Variants in DNAJA2 observed in about 807,000 individuals in gnomAD.
DNAJA2 encodes the protein DnaJ heat shock protein family (Hsp40) member A2.
Under a neutral mutation model 49.3 loss-of-function variants are expected in DNAJA2, and 6 were observed. The ratio of observed to expected loss-of-function variants is 0.12; its 90% CI spans 0.07 to 0.24. The LOEUF (loss-of-function observed/expected upper bound fraction) is 0.24, where lower values mean the gene tolerates loss of function less well. Among genes scored for constraint, DNAJA2 ranks in the 10% least tolerant of loss-of-function variants. The probability of loss-of-function intolerance (pLI) is 1.00; values close to 1 mark genes in which losing one functional copy is unlikely to be tolerated. For missense variants in DNAJA2, 347 were observed against 516.8 expected (o/e 0.67, Z 3.19); for synonymous variants, 160 against 172.7 (o/e 0.93, Z 0.58).
rs988079271 is a variant in DNAJA2, at chr16:46,956,781, G to C, written c.*248C>G. 3 of 396,258 alleles carry C rather than the reference G, an allele frequency of 7.6e-6. No individual in the cohort carries two copies. Among genetic ancestry groups the C allele is most frequent in the African/African-American group, 4.2e-5 (2 of 47,980 alleles). 24.5% of individuals were successfully genotyped at this position (396,258 alleles called of 1,614,324 possible). ...GATTGAAACTTATAATAATCCATGT[G>C]TGAAAGGGAGTCTTGTTTCCTTTCA... On this transcript the variant is annotated 3_prime_UTR_variant, in exon 9 of 9. Transcript: ENST00000317089.
chr16:46,958,882 T>C lies in DNAJA2; in HGVS notation c.1047+121A>G. 7 of 1,094,004 alleles carry C rather than the reference T, an allele frequency of 6.4e-6. No individual in the cohort carries two copies. In the South Asian group the frequency reaches 1.2e-4, roughly 19 times the overall value. The allele number at this position is 1,094,004 out of a possible 1,614,324, so 67.8% of individuals were successfully genotyped here. A position where few individuals can be genotyped will look rare whatever the true frequency, so the allele number is the denominator to read the frequency against. On this transcript the variant is annotated intron_variant, in intron 8 of 8. Transcript: ENST00000317089. ...TCGCTTCAGCCCAGGAGGTCGAGGC[T>C]GCAGTGAGCCACGATCACACCACTA...
At chr16:46,967,958 C>T (rs949346757) in intron 4 of DNAJA2, 126 bp downstream of exon 4, 12 of 932,128 alleles carry the variant, frequency 1.3e-5, no homozygotes, top group Non-Finnish European at 1.3e-5. Flanking sequence ...GCTGGGATTT[C>T]AGGTGTGAGC....
At chr16:46,973,108 T>G (rs1318285175) in intron 1 of DNAJA2, among the ~76,000 whole-genome samples, 1 of 152,068 alleles carries the variant, frequency 6.6e-6, no homozygotes, top group Non-Finnish European at 1.5e-5. Context: ...GGGGCCGGGA[T>G]GCGCTGAGCA....
In DNAJA2 at chr16:46,970,158, G is replaced by T. The variant is rs577365933; in HGVS notation, c.362+1191C>A. ...CATTTGCTAATAAAATCATTTATTG[G>T]TCCATGAAAAAAAGAATGGGAAAAA... On this transcript the variant is annotated intron_variant, in intron 3 of 8. Transcript: ENST00000317089. Among the ~76,000 whole-genome samples, 43 of 152,256 alleles carry T rather than the reference G, an allele frequency of 2.8e-4. 1 individual carries two copies. The highest frequency in any genetic ancestry group is 1.4e-3 in the Admixed American group (22 of 15,290).
Position 46,959,255 on chromosome 16 carries a change from C to T in DNAJA2, c.919+20G>A, listed in dbSNP as rs369779917. On this transcript the variant is annotated intron_variant, in intron 7 of 8. Transcript: ENST00000317089. ...TTCAAAAATACTTGAAAACCAGAAT[C>T]GGACAAAATCAAGATTTACCTGGTT... 19 of 1,594,908 alleles carry T rather than the reference C, an allele frequency of 1.2e-5. No homozygotes were observed. Among genetic ancestry groups the T allele is most frequent in the East Asian group, 9.0e-5 (4 of 44,644 alleles).
At chr16:46,971,285 T>A (rs1962043644) in intron 3 of DNAJA2, 64 bp downstream of exon 3, 1 of 1,418,918 alleles carries the variant, frequency 7.0e-7, no homozygotes. Context: ...TTTCATCTAC[T>A]GAGTCATTAT....
chr16:46,959,579 T>G, intron 6 of DNAJA2, 160 bp from the exon 7 acceptor site: 3 of 600,328 alleles, frequency 5.0e-6, no homozygotes, highest in Non-Finnish European at 8.5e-6. Context: ...TTAGGAAAGC[T>G]AGCTATTCCC....
At chr16:46,971,674 A>AAAAAAAAAAT in intron 2 of DNAJA2, 102 bp from the exon 3 acceptor site, 1 of 1,023,844 alleles carries the variant, frequency 9.8e-7, no homozygotes, top group Non-Finnish European at 1.4e-6. Context: ...AAAAAAAAAA[A>AAAAAAAAAAT]AAGGGACAAG....
chr16:46,958,749 A>T (rs1961853117), intron 8 of DNAJA2: 4 of 346,012 alleles, frequency 1.2e-5, no homozygotes, highest in Non-Finnish European at 2.1e-5. Context: ...ACTGCACTCC[A>T]GCTTGGGTGA....
At chr16:46,957,771 A>T (rs140038194) in intron 8 of DNAJA2, among the ~76,000 whole-genome samples, 1 of 152,160 alleles carries the variant, frequency 6.6e-6, no homozygotes, top group East Asian at 1.9e-4. Flanking sequence ...TAAACATTAG[A>T]AAGTTTCTAC....
At chr16:46,973,458 C>G (rs752975038) in intron 1 of DNAJA2, 37 bp downstream of exon 1, 1 of 1,565,090 alleles carries the variant, frequency 6.4e-7, no homozygotes, top group Non-Finnish European at 8.6e-7. Flanking sequence ...GCGCAGGCCC[C>G]GCGCCCCTCA....
chr16:46,964,927 C>T, intron 5 of DNAJA2, 120 bp from the exon 6 acceptor site: 3 of 878,142 alleles, frequency 3.4e-6, no homozygotes, highest in Non-Finnish European at 5.0e-6. Flanking sequence ...TTATTCAAAG[C>T]AGCATTCTGA....
Position 46,956,453 on chromosome 16 carries a change from GAAAA to G in DNAJA2, c.*572_*575del, listed in dbSNP as rs1567351854. 2.5e-5 allele frequency: 3 copies of G among 122,072 alleles called. No homozygotes were observed. Among genetic ancestry groups the G allele is most frequent in the African/African-American group, 6.0e-5 (2 of 33,456 alleles). 7.6% of individuals were successfully genotyped at this position (122,072 alleles called of 1,614,324 possible). A position where few individuals can be genotyped will look rare whatever the true frequency, so the allele number is the denominator to read the frequency against. On this transcript the variant is annotated 3_prime_UTR_variant, in exon 9 of 9. Coordinates refer to ENST00000317089, the MANE Select transcript of DNAJA2 (RefSeq NM_005880.4). ...ACAAGATGGTAAAAAAAAAAAAAAAGAAAAAAGAAAAAAAAAACAAAACCAAAAA... is the reference window on the plus strand; with the variant it reads ...ACAAGATGGTAAAAAAAAAAAAAAAGAAGAAAAAAAAAACAAAACCAAAAA...
chr16:46,959,723 C>T (rs1961867934), intron 6 of DNAJA2: 2 of 234,270 alleles, frequency 8.5e-6, no homozygotes, highest in African/African-American at 2.2e-5. Context: ...CTTTCAGACT[C>T]TGCCTCTGGT....
At chr16:46,968,591 C>T (rs547392892) in intron 3 of DNAJA2, among the ~76,000 whole-genome samples, 135 of 152,288 alleles carry the variant, frequency 8.9e-4, no homozygotes, top group Admixed American at 1.4e-3. Context: ...GTAACTTGCC[C>T]AAGATCACAT....
rs1488314792 is a variant in DNAJA2 at position 46,957,792 on chromosome 16, C to T, written c.1048-572G>A. ...TTAGAAAGTTTCTACAGGAGACACA[C>T]CTTCCTGCATCCGGCATGGACACCA... On this transcript the variant is annotated intron_variant, in intron 8 of 8. Transcript: ENST00000317089. Among the ~76,000 whole-genome samples, 3 of 152,110 alleles carry T rather than the reference C, an allele frequency of 2.0e-5. No homozygotes were observed. The East Asian group carries it at 5.8e-4, about 29-fold the overall frequency.
At chr16:46,957,326 T>C (rs889361793) in intron 8 of DNAJA2, 106 bp from the exon 9 acceptor site, 2 of 1,103,832 alleles carry the variant, frequency 1.8e-6, no homozygotes, top group Admixed American at 4.7e-5. Context: ...AGGGGCTGGG[T>C]GTGGTGGTTC....
intron 3 of DNAJA2, among the ~76,000 whole-genome samples, chr16:46,970,153 T>C (rs534549691): frequency 4.3e-4 from 65 of 152,324 alleles, no homozygotes; most frequent in African/African-American, 1.5e-3. Context: ...TAAAATCATT[T>C]ATTGGTCCAT....
intron 6 of DNAJA2, among the ~76,000 whole-genome samples, chr16:46,962,714 A>G (rs964793916): frequency 5.3e-5 from 8 of 152,248 alleles, no homozygotes; most frequent in Non-Finnish European, 2.9e-5. Context: ...GCAGAATTCT[A>G]AAAACTACTC....
Sources: gnomAD v4.1 joint callset for allele counts (sites outside exome capture counted in the v4.1 genomes callset) on GRCh38, gnomAD v4.1.1 for gene constraint, MANE v1.5 for transcripts, NCBI Gene and HGNC (gene_info 2026-07-23, HGNC 2026-07-21) for gene names.